LMX1A: variants seen among roughly 807,000 people sequenced by gnomAD.
LMX1A encodes the protein LIM homeobox transcription factor 1 alpha, also known as LIM homeobox transcription factor 1-alpha.
Under a neutral mutation model 49.1 loss-of-function variants are expected in LMX1A, and 15 were observed. That is an observed-to-expected ratio of 0.31 (90% confidence interval 0.20 to 0.47). The LOEUF (loss-of-function observed/expected upper bound fraction) is 0.47, where lower values mean the gene tolerates loss of function less well. LMX1A is among the 20% of genes least tolerant of loss of function. LMX1A has a pLI of 1.00. For missense variants in LMX1A, 372 were observed against 475.8 expected, an observed-to-expected ratio of 0.78 and a Z score of 2.03; for synonymous variants, 167 against 185.7, an observed-to-expected ratio of 0.90 and a Z score of 0.82.
At chr1:165,237,691 T>G (rs1189785209) in intron 4 of LMX1A, among the ~76,000 whole-genome samples, 1 of 152,200 alleles carries the variant, frequency 6.6e-6, no homozygotes, top group Non-Finnish European at 1.5e-5. Flanking sequence ...GAATATAATT[T>G]TACAGCACCA....
chr1:165,280,827 C>T (rs537074702), intron 3 of LMX1A, among the ~76,000 whole-genome samples: 214 of 152,082 alleles, frequency 1.4e-3, no homozygotes, highest in African/African-American at 5.1e-3. Flanking sequence ...TTTTTACCAC[C>T]CCACCCCCAC....
intron 3 of LMX1A, among the ~76,000 whole-genome samples, chr1:165,310,066 A>G (rs547231713): frequency 6.6e-6 from 1 of 152,338 alleles, no homozygotes; most frequent in East Asian, 1.9e-4. Flanking sequence ...TATTATAACT[A>G]AAGGGCATAG....
At chr1:165,298,851 A>G (rs1278758955) in intron 3 of LMX1A, among the ~76,000 whole-genome samples, 1 of 152,254 alleles carries the variant, frequency 6.6e-6, no homozygotes, top group African/African-American at 2.4e-5. Context: ...TGCTTATTTT[A>G]TAAGGCAGCA....
At chr1:165,208,265 G>A in intron 6 of LMX1A, 133 bp from the exon 7 acceptor site, 2 of 726,380 alleles carry the variant, frequency 2.8e-6, no homozygotes, top group Non-Finnish European at 4.7e-6. Context: ...ACTTAGTAAA[G>A]GAGCAACAGT....
chr1:165,218,552 G>A (rs746749370), intron 4 of LMX1A: 1 of 152,330 alleles, frequency 6.6e-6, no homozygotes, highest in Non-Finnish European at 1.5e-5. Context: ...TTTCCAAGCT[G>A]CTCTTGGGGT....
chr1:165,290,452 G>C (rs1341186162), intron 3 of LMX1A, among the ~76,000 whole-genome samples: 2 of 152,050 alleles, frequency 1.3e-5, no homozygotes, highest in Admixed American at 6.6e-5. Flanking sequence ...GTGTGTGTGT[G>C]TGTGTGTGTG....
chr1:165,291,174 G>A (rs1395790332), intron 3 of LMX1A, among the ~76,000 whole-genome samples: 4 of 152,150 alleles, frequency 2.6e-5, no homozygotes, highest in Non-Finnish European at 5.9e-5. Context: ...ACAGCCCCAC[G>A]CTTGAGTAAT....
chr1:165,210,855 A>G, intron 5 of LMX1A, 79 bp from the exon 6 acceptor site: 3 of 936,204 alleles, frequency 3.2e-6, no homozygotes, highest in Non-Finnish European at 5.0e-6. Flanking sequence ...ATAATACTTG[A>G]GGAGGCCAAA....
intron 3 of LMX1A, among the ~76,000 whole-genome samples, chr1:165,302,356 G>C (rs1654808174): frequency 6.6e-6 from 1 of 151,774 alleles, no homozygotes; most frequent in East Asian, 1.9e-4. Context: ...AGGCAGGAGA[G>C]TTGCTTGAAC....
At chr1:165,313,471 CTTTTT>C (rs34912339) in intron 3 of LMX1A, among the ~76,000 whole-genome samples, 3 of 114,846 alleles carry the variant, frequency 2.6e-5, no homozygotes, top group Non-Finnish European at 5.2e-5. Flanking sequence ...CACCTTCTTC[CTTTTT>C]TTTTTTTTTT....
At chr1:165,331,628 A>G (rs542327845) in intron 3 of LMX1A, among the ~76,000 whole-genome samples, 15 of 152,318 alleles carry the variant, frequency 9.8e-5, no homozygotes, top group African/African-American at 3.6e-4. Context: ...TAAAGAACAC[A>G]AGGTGGGGCC....
intron 4 of LMX1A, among the ~76,000 whole-genome samples, chr1:165,227,880 C>T (rs1011724626): frequency 6.6e-6 from 1 of 152,066 alleles, no homozygotes; most frequent in African/African-American, 2.4e-5. Context: ...TCTTTAGTCA[C>T]AAGCTAGGGA....
chr1:165,297,227 C>T (rs1398620264), intron 3 of LMX1A, among the ~76,000 whole-genome samples: 1 of 152,222 alleles, frequency 6.6e-6, no homozygotes, highest in Non-Finnish European at 1.5e-5. Context: ...AATCTCTTTC[C>T]TTCAGAAATT....
chr1:165,319,716 G>GACAGACAGGCAGACAC (rs2101742579), intron 3 of LMX1A, among the ~76,000 whole-genome samples: 1 of 152,242 alleles, frequency 6.6e-6, no homozygotes, highest in South Asian at 2.1e-4. Context: ...GCAAAAGGCA[G>GACAGACAGGCAGACAC]ACAGACAGGC....
intron 4 of LMX1A, among the ~76,000 whole-genome samples, chr1:165,246,903 C>T (rs935587985): frequency 6.6e-6 from 1 of 152,102 alleles, no homozygotes; most frequent in Non-Finnish European, 1.5e-5. Context: ...TGGAAAGCTC[C>T]AATATGTCAA....
rs1652983104 is a variant in LMX1A at position 165,249,603 on chromosome 1, T to C, written c.301A>G (p.Ile101Val). The C allele has an allele frequency of 4.3e-6, 7 of 1,614,050 alleles. No homozygotes were observed. In the South Asian group the frequency reaches 5.5e-5, roughly 13 times the overall value. The change falls in exon 4 of 9, where the codon ATC becomes GTC. Residue 101 changes from isoleucine to valine, a missense_variant. By Grantham distance (29) the Ile-to-Val change is conservative. Around this residue, in one of 3 missense-constraint regions of LMX1A, gnomAD observed 199 missense variants for 244.0 expected, o/e 0.82. Coordinates refer to ENST00000342310, the MANE Select transcript of LMX1A (RefSeq NM_177398.4). ...CGCATAACAAACTCATTGGGAGCGATGGCCTCGAAGCAGCCCCCACATTTA... is the reference window on the plus strand; with the variant it reads ...CGCATAACAAACTCATTGGGAGCGACGGCCTCGAAGCAGCCCCCACATTTA... ...AVKCGGCFEA[I>V]APNEFVMRAQ... is the part of the protein sequence containing the mutation.
At chr1:165,295,481 T>C (rs1206364190) in intron 3 of LMX1A, among the ~76,000 whole-genome samples, 1 of 148,358 alleles carries the variant, frequency 6.7e-6, no homozygotes, top group Non-Finnish European at 1.5e-5. Context: ...ATTATTAATA[T>C]ATTGGAGACA....
In LMX1A at chr1:165,336,339, C is replaced by T. The variant is rs546021706; in HGVS notation, c.263+16737G>A. ...CTAGATCACTAACCTTTAATCATTT[C>T]GGGATCACAGGACACTTTGAAGATC... On this transcript the variant is annotated intron_variant, in intron 3 of 8. Transcript: ENST00000342310. 9.1e-4 allele frequency among the ~76,000 whole-genome samples: 139 copies of T among 152,148 alleles called. 1 individual carries two copies. Among genetic ancestry groups the T allele is most frequent in the African/African-American group, 2.8e-3 (117 of 41,516 alleles).
At chr1:165,317,545 GA>G (rs567870991) in intron 3 of LMX1A, among the ~76,000 whole-genome samples, 1 of 152,178 alleles carries the variant, frequency 6.6e-6, no homozygotes, top group African/African-American at 2.4e-5. Flanking sequence ...ACCACACGGG[GA>G]AAAAATAAAG....
Sources: gnomAD v4.1 joint callset for allele counts (sites outside exome capture counted in the v4.1 genomes callset) on GRCh38, gnomAD v4.1.1 for gene constraint, gnomAD v4.1.1 regional missense constraint, MANE v1.5 for transcripts, NCBI Gene and HGNC (gene_info 2026-07-23, HGNC 2026-07-21) for gene names.